The following DSPP variants were observed in gnomAD, a reference collection of about 807,000 sequenced individuals.
DSPP encodes the protein dentin sialophosphoprotein, also known as deafness, autosomal dominant 39.
DSPP carries 28 observed loss-of-function variants against 29.1 expected under a neutral mutation model. The observed-to-expected ratio is 0.96, with a 90% confidence interval of 0.71 to 1.32. DSPP has a LOEUF of 1.32. Among genes scored for constraint, DSPP ranks in the 40% most tolerant of loss-of-function variants. The pLI is 0.00. For missense variants in DSPP, 1,281 were observed against 1,629.9 expected (o/e 0.79, Z 3.69); for synonymous variants, 481 against 503.4 (o/e 0.96, Z 0.60).
Position 87,613,996 on chromosome 4 carries a change from G to T in DSPP, c.1334G>T (p.Ser445Ile). The change falls in exon 5 of 5, where the codon AGC (serine) becomes ATC (isoleucine). Residue 445 changes from serine to isoleucine, a missense_variant. Physicochemically the swap from Ser to Ile is moderately radical, Grantham distance 142 (BLOSUM62 -2). This residue lies in a region of DSPP where 631 missense variants were observed against 643.2 expected (regional missense o/e 0.98). Coordinates refer to ENST00000651931, the MANE Select transcript of DSPP (RefSeq NM_014208.3). ...GGACACAGCAATACAGGTAGTGACA[G>T]CAATAGTGATGGATATGACAGTTAT... ...KVGHSNTGSD[S>I]NSDGYDSYDF... The T allele has an allele frequency of 6.2e-7, 1 of 1,614,200 alleles. No individual in the cohort carries two copies.
chr4:87,616,226 T>C lies in DSPP; in HGVS notation c.3564T>C (p.Asp1188=), dbSNP rs111205184. ...GCAGTGATAGCAGCGACAGCAGTGA[T>C]AGCAGTGACAGCAGCGACAGCAGCG... is the stretch of plus-strand genomic sequence containing the variant. ...SNSSDSSDSS[D]SSDSSDSSDS... Residue 1188 remains aspartate (D), a synonymous_variant, in exon 5 of 5, where the codon GAT becomes GAC. Coordinates refer to ENST00000651931, the MANE Select transcript of DSPP (RefSeq NM_014208.3). 0.066 allele frequency: 100,206 copies of C among 1,509,600 alleles called. 13,309 individuals are homozygous for C. Among genetic ancestry groups the C allele is most frequent in the African/African-American group, 0.26 (16,925 of 65,904 alleles). The allele number at this position is 1,509,600 out of a possible 1,614,324, so 93.5% of individuals were successfully genotyped here.
chr4:87,614,740 G>A lies in DSPP; in HGVS notation c.2078G>A (p.Ser693Asn), dbSNP rs1228561940. 1.9e-6 allele frequency: 3 copies of A among 1,549,228 alleles called. No individual in the cohort carries two copies. The highest frequency in any genetic ancestry group is 1.4e-5 in the African/African-American group (1 of 73,078). ...SSNSSDSSDS[S>N]DSSNSSESSD... ...AACAGCAGTGATAGTAGTGACAGTA[G>A]TGACAGCAGCAATAGCAGTGAGAGC... The change falls in exon 5 of 5, where the codon AGT becomes AAT. Residue 693 changes from serine to asparagine, a missense_variant. By Grantham distance (46) the Ser-to-Asn change is conservative. Transcript: ENST00000651931.
In DSPP at chr4:87,615,764, CGA is replaced by C; in HGVS notation, c.3103_3104del (p.Asp1035Ter). The C allele has an allele frequency of 1.3e-6, 1 of 775,560 alleles. No homozygotes were observed. The highest frequency in any genetic ancestry group is 4.4e-5 in the East Asian group (1 of 22,730). The allele number at this position is 775,560 out of a possible 1,614,324, so 48.0% of individuals were successfully genotyped here. On this transcript the variant is annotated frameshift_variant, in exon 5 of 5. Transcript: ENST00000651931. LOFTEE classifies it low-confidence loss of function (END_TRUNC). Reference sequence around the variant, plus strand: ...ACAGCAGCAACAGCAGTGACAGCAGCGATAGCAGTGACAGCAGCGATAGCAGT... The same window carrying C: ...ACAGCAGCAACAGCAGTGACAGCAGCTAGCAGTGACAGCAGCGATAGCAGT... ...SDSSNSSDSS[D>X]SSDSSDSSDS... is the part of the protein sequence containing the mutation.
chr4:87,615,767 T>C lies in DSPP; in HGVS notation c.3105T>C (p.Asp1035=), dbSNP rs369387818. ...GCAGCAACAGCAGTGACAGCAGCGA[T>C]AGCAGTGACAGCAGCGATAGCAGTG... ...SDSSNSSDSS[D]SSDSSDSSDS... The change falls in exon 5 of 5, where the codon GAT becomes GAC. Residue 1035 remains aspartate (D), a synonymous_variant. Transcript: ENST00000651931. 4,375 of 743,074 alleles carry C rather than the reference T, an allele frequency of 5.9e-3. 31 individuals are homozygous for C. Among genetic ancestry groups the C allele is most frequent in the African/African-American group, 0.038 (1,572 of 41,578 alleles). The allele number at this position is 743,074 out of a possible 1,614,324, so 46.0% of individuals were successfully genotyped here.
Position 87,616,178 on chromosome 4 carries a change from CGATAGCAGTGACAGCAGCAATAGCAGT to C in DSPP, c.3525_3551del (p.Asn1179_Ser1187del), listed in dbSNP as rs1303876122. ...ATAGCAGCGACAGCAGCGACAGCAG[CGATAGCAGTGACAGCAGCAATAGCAGT>C]GATAGCAGCGACAGCAGTGATAGCA... is the stretch of plus-strand genomic sequence containing the variant. On this transcript the variant is annotated inframe_deletion, in exon 5 of 5. Transcript: ENST00000651931. 1.0e-5 allele frequency: 16 copies of C among 1,533,912 alleles called. 2 individuals are homozygous for C. The highest frequency in any genetic ancestry group is 2.5e-5 in the East Asian group (1 of 40,110).
At chr4:87,610,772 C>T in intron 1 of DSPP, 109 bp from the exon 2 acceptor site, 1 of 742,820 alleles carries the variant, frequency 1.3e-6, no homozygotes, top group Non-Finnish European at 2.3e-6. Flanking sequence ...GTGTTAGATA[C>T]ATGCTTCTTG....
Position 87,614,067 on chromosome 4 carries a change from G to A in DSPP, c.1405G>A (p.Asp469Asn). 6.2e-7 allele frequency: 1 copy of A among 1,614,216 alleles called. No homozygotes were observed. The highest frequency in any genetic ancestry group is 8.5e-7 in the Non-Finnish European group (1 of 1,180,044). Residue 469 changes from aspartate (D) to asparagine (N), a missense_variant, in exon 5 of 5, where the codon GAT becomes AAT. Transcript: ENST00000651931. ...SMQGDDPNSS[D>N]ESNGNDDANS... ...GCAAGGAGATGATCCCAATAGCAGTGATGAATCTAATGGCAATGATGATGC... is the reference window on the plus strand; with the variant it reads ...GCAAGGAGATGATCCCAATAGCAGTAATGAATCTAATGGCAATGATGATGC...
chr4:87,613,847 C>T lies in DSPP; in HGVS notation c.1185C>T (p.Gly395=), dbSNP rs376400367. 1 of 1,613,986 alleles carries T rather than the reference C, an allele frequency of 6.2e-7. No individual in the cohort carries two copies. The highest frequency in any genetic ancestry group is 1.3e-5 in the African/African-American group (1 of 74,898). The change falls in exon 5 of 5, where the codon GGC becomes GGT. Residue 395 remains glycine (G), a synonymous_variant. Coordinates refer to ENST00000651931, the MANE Select transcript of DSPP (RefSeq NM_014208.3). ...NRNITKEVGK[G]NEGKEDKGQH... ...ATATTACCAAAGAAGTTGGGAAAGG[C>T]AACGAAGGTAAAGAGGATAAAGGAC... is the stretch of plus-strand genomic sequence containing the variant.
Position 87,613,784 on chromosome 4 carries a change from G to A in DSPP, c.1123-1G>A. ...TCATTCTTTCCTCCATCCTTCCATA[G>A]GGAATAGAAATCAAGGGTCCCAGCA... On this transcript the variant is annotated splice_acceptor_variant, in intron 4 of 4. Transcript: ENST00000651931. LOFTEE classifies it high-confidence loss of function. 1.2e-6 allele frequency: 2 copies of A among 1,614,068 alleles called. No homozygotes were observed. The highest frequency in any genetic ancestry group is 1.3e-5 in the African/African-American group (1 of 75,020).
Position 87,614,993 on chromosome 4 carries a change from T to C in DSPP, c.2331T>C (p.Ser777=). ...ATAGCAGTGACAGCAGTGATAGTAG[T>C]GACAGCAGCAACAGCAGTGATAGCA... ...SSDSSDSSDS[S]DSSNSSDSND... The change falls in exon 5 of 5, where the codon AGT becomes AGC. Residue 777 remains serine, a synonymous_variant. Transcript: ENST00000651931. The C allele has an allele frequency of 1.3e-6, 2 of 1,547,976 alleles. No homozygotes were observed. Among genetic ancestry groups the C allele is most frequent in the Non-Finnish European group, 1.7e-6 (2 of 1,146,266 alleles).
In DSPP at chr4:87,616,197, AATAGCAGTGATAGCAGCGACAGCAGTG is replaced by A. The variant is rs1560480902; in HGVS notation, c.3546_3572del (p.Ser1223_Ser1231del). The stretch of plus-strand genomic sequence containing the variant: ...CAGCAGCGATAGCAGTGACAGCAGC[AATAGCAGTGATAGCAGCGACAGCAGTG>A]ATAGCAGTGACAGCAGCGACAGCAG... On this transcript the variant is annotated inframe_deletion, in exon 5 of 5. Transcript: ENST00000651931. 8.5e-6 allele frequency: 12 copies of A among 1,419,734 alleles called. No individual in the cohort carries two copies. The highest frequency in any genetic ancestry group is 2.5e-5 in the South Asian group (2 of 79,902). 87.9% of individuals were successfully genotyped at this position (1,419,734 alleles called of 1,614,324 possible).
At chr4:87,612,011 TTGTGTGTGTGTG>T (rs36228864) in intron 2 of DSPP, 82 bp from the exon 3 acceptor site, 200 of 1,066,950 alleles carry the variant, frequency 1.9e-4, no homozygotes, top group Middle Eastern at 2.9e-4. Context: ...GGAAGAATAT[TTGTGTGTGTGTG>T]TGTGTGTGTG....
rs1727725592 is a variant in DSPP, at chr4:87,611,050, T to C, written c.51+91T>C. ...AATGTAGTGTGTGTGTGTGTGTGTG[T>C]GTGTGTGTGTGTGCATGTACATGTG... On this transcript the variant is annotated intron_variant, in intron 2 of 4. Transcript: ENST00000651931. The C allele has an allele frequency of 8.5e-6, 10 of 1,174,026 alleles. No homozygotes were observed. In the East Asian group the frequency reaches 2.1e-4, roughly 25 times the overall value. 72.7% of individuals were successfully genotyped at this position (1,174,026 alleles called of 1,614,324 possible).
rs1727759917 is a variant in DSPP, at chr4:87,612,675, A to G, written c.489A>G (p.Gln163=). ...ATGGAAATACTGATAAGAATACCCA[A>G]AATGGGGATGTTGGCGATGCAGGTC... ...NTNGNTDKNT[Q]NGDVGDAGHN... Residue 163 remains glutamine, a synonymous_variant, in exon 4 of 5, where the codon CAA becomes CAG. Transcript: ENST00000651931. 1 of 1,614,170 alleles carries G rather than the reference A, an allele frequency of 6.2e-7. No individual in the cohort carries two copies. The highest frequency in any genetic ancestry group is 8.5e-7 in the Non-Finnish European group (1 of 1,180,010).
chr4:87,611,698 C>T (rs377168181), intron 2 of DSPP, among the ~76,000 whole-genome samples: 1 of 152,182 alleles, frequency 6.6e-6, no homozygotes, highest in African/African-American at 2.4e-5. Context: ...GCTCTGGTCA[C>T]GCCTCCTGTT....
At chr4:87,611,849 T>A (rs1367106665) in intron 2 of DSPP, among the ~76,000 whole-genome samples, 1 of 152,226 alleles carries the variant, frequency 6.6e-6, no homozygotes, top group Non-Finnish European at 1.5e-5. Context: ...AGTGGGCTGA[T>A]CTAACACGTC....
At position 87,614,255 on chromosome 4, in the gene DSPP, C is replaced by A. The variant is rs1211092361; in HGVS notation, c.1593C>A (p.Asn531Lys). 2 of 1,614,180 alleles carry A rather than the reference C, an allele frequency of 1.2e-6. No homozygotes were observed. Among genetic ancestry groups the A allele is most frequent in the Non-Finnish European group, 1.7e-6 (2 of 1,180,042 alleles). ...ATAGTGACAGTAATGGCAATGGTAA[C>A]AATGGGAATGATGACAATGACAAAT... ...TNNSDSNGNG[N>K]NGNDDNDKSD... The change falls in exon 5 of 5, where the codon AAC becomes AAA. Residue 531 changes from asparagine to lysine, a missense_variant. Coordinates refer to ENST00000651931, the MANE Select transcript of DSPP (RefSeq NM_014208.3).
rs13131929 is a variant in DSPP, at chr4:87,612,289, T to C, written c.136-33T>C. ...ATTTGCTTTCCTTCAAGATCATTGATACTTATAATTGATTGAATTGTTTCT... is the reference window on the plus strand; with the variant it reads ...ATTTGCTTTCCTTCAAGATCATTGACACTTATAATTGATTGAATTGTTTCT... On this transcript the variant is annotated intron_variant, in intron 3 of 4. Transcript: ENST00000651931. 848,850 of 1,611,870 alleles carry C rather than the reference T, an allele frequency of 0.53. 227,982 individuals are homozygous for C. The highest frequency in any genetic ancestry group is 0.64 in the East Asian group (28,586 of 44,818).
chr4:87,609,011 T>A (rs1727686085), intron 1 of DSPP, among the ~76,000 whole-genome samples: 1 of 152,238 alleles, frequency 6.6e-6, no homozygotes. Context: ...TTACTTATTA[T>A]TTATTGTCCC....
Sources: gnomAD v4.1 joint callset for allele counts (sites outside exome capture counted in the v4.1 genomes callset) on GRCh38, gnomAD v4.1.1 for gene constraint, gnomAD v4.1.1 regional missense constraint, MANE v1.5 for transcripts, NCBI Gene and HGNC (gene_info 2026-07-23, HGNC 2026-07-21) for gene names.